The following CNGA3 variants were observed in gnomAD, a reference collection of about 807,000 sequenced individuals.
CNGA3 encodes cyclic nucleotide-gated channel alpha-3.
In CNGA3, 42 loss-of-function variants were observed where a neutral mutation model predicts 46.6. The observed-to-expected ratio is 0.90, with a 90% CI of 0.70 to 1.17. The LOEUF (loss-of-function observed/expected upper bound fraction) is 1.17, where lower values mean the gene tolerates loss of function less well. Among genes scored for constraint, CNGA3 ranks in the 50% most tolerant of loss-of-function variants. The pLI is 0.00. For missense variants in CNGA3, 893 were observed against 890.7 expected (o/e 1.00, Z -0.03); for synonymous variants, 394 against 369.4 (o/e 1.07, Z -0.76).
chr2:98,383,830 CCTCAGG>C (rs1692589392), intron 5 of CNGA3, among the ~76,000 whole-genome samples: 1 of 152,158 alleles, frequency 6.6e-6, no homozygotes, highest in Admixed American at 6.6e-5. Context: ...TATTCTACAA[CCTCAGG>C]CTCTTGAGTG....
chr2:98,388,920 G>A (rs766742418), intron 5 of CNGA3, among the ~76,000 whole-genome samples: 19 of 152,254 alleles, frequency 1.2e-4, no homozygotes, highest in Non-Finnish European at 2.6e-4. Context: ...AGCGTGGGTC[G>A]CATGGGATGG....
intron 7 of CNGA3, among the ~76,000 whole-genome samples, chr2:98,394,895 A>T (rs1253345088): frequency 6.6e-6 from 1 of 151,690 alleles, no homozygotes; most frequent in Non-Finnish European, 1.5e-5. Flanking sequence ...CTTTTCCTCC[A>T]CTCCCTTCTT....
intron 4 of CNGA3, among the ~76,000 whole-genome samples, chr2:98,380,745 A>G (rs1440932419): frequency 6.6e-6 from 1 of 152,214 alleles, no homozygotes; most frequent in Non-Finnish European, 1.5e-5. Context: ...GCTCAAAAGC[A>G]GGGTCTTTTA....
chr2:98,363,862 T>C (rs1391301361), intron 1 of CNGA3, among the ~76,000 whole-genome samples: 1 of 152,220 alleles, frequency 6.6e-6, no homozygotes, highest in East Asian at 1.9e-4. Context: ...ATTTTCTGTC[T>C]CGATGATCTG....
chr2:98,348,156 A>G (rs1691686460), intron 1 of CNGA3, among the ~76,000 whole-genome samples: 1 of 152,188 alleles, frequency 6.6e-6, no homozygotes, highest in African/African-American at 2.4e-5. Context: ...CTTCGCACCA[A>G]TGCCCAAACA....
At chr2:98,375,385 G>A (rs1035489196) in intron 2 of CNGA3, among the ~76,000 whole-genome samples, 5 of 152,212 alleles carry the variant, frequency 3.3e-5, no homozygotes, top group African/African-American at 4.8e-5. Context: ...CACACAGGCT[G>A]TGACAGGGCC....
rs77733216 is a variant in CNGA3, at chr2:98,380,182, C to T, written c.223C>T (p.Arg75Cys). The T allele has an allele frequency of 6.2e-5, 100 of 1,614,150 alleles. 1 individual carries two copies. The Middle Eastern group carries it at 2.0e-3, about 32-fold the overall frequency. The stretch of plus-strand genomic sequence containing the variant: ...GCTTGTGTCACCTTCCAGGCTGTCG[C>T]GCCTCATCTTCTTGCTGCGCAGGTG... ...FTGQGIARLS[R>C]LIFLLRRWAA... is the part of the protein sequence containing the mutation. Residue 75 changes from arginine to cysteine, a missense_variant, in exon 4 of 8, where the codon CGC becomes TGC. Physicochemically the swap from Arg to Cys is radical, Grantham distance 180. Coordinates refer to ENST00000272602, the MANE Select transcript of CNGA3 (RefSeq NM_001298.3).
intron 2 of CNGA3, among the ~76,000 whole-genome samples, chr2:98,372,957 T>C (rs1692321331): frequency 1.3e-5 from 2 of 152,220 alleles, no homozygotes; most frequent in Admixed American, 1.3e-4. Context: ...CAGTATCCCG[T>C]GGAAACACCA....
At chr2:98,349,180 C>T (rs1482555342) in intron 1 of CNGA3, among the ~76,000 whole-genome samples, 1 of 151,998 alleles carries the variant, frequency 6.6e-6, no homozygotes, top group Non-Finnish European at 1.5e-5. Context: ...GTCACTCAGC[C>T]TTCACCTGGC....
At chr2:98,349,723 A>G (rs954199218) in intron 1 of CNGA3, among the ~76,000 whole-genome samples, 15 of 152,222 alleles carry the variant, frequency 9.9e-5, no homozygotes, top group African/African-American at 3.6e-4. Flanking sequence ...TCTATACACT[A>G]GACTAGCACA....
chr2:98,384,643 G>T (rs1692614111), intron 5 of CNGA3, among the ~76,000 whole-genome samples: 1 of 152,180 alleles, frequency 6.6e-6, no homozygotes, highest in South Asian at 2.1e-4. Context: ...ATATGTGTTT[G>T]ACTTAAAGCC....
chr2:98,394,041 C>G (rs1378705598), intron 7 of CNGA3, among the ~76,000 whole-genome samples: 2 of 151,582 alleles, frequency 1.3e-5, no homozygotes, highest in Non-Finnish European at 2.9e-5. Context: ...GCAGCCCTAG[C>G]ATCACCTGGA....
At chr2:98,384,333 G>A (rs1692606963) in intron 5 of CNGA3, among the ~76,000 whole-genome samples, 1 of 152,200 alleles carries the variant, frequency 6.6e-6, no homozygotes, top group South Asian at 2.1e-4. Flanking sequence ...CAGATACTAA[G>A]GTGGCAGATT....
At position 98,396,739 on chromosome 2, in the gene CNGA3, C is replaced by T. The variant is rs61752503; in HGVS notation, c.1569C>T (p.Asn523=). The T allele has an allele frequency of 6.6e-3, 10,717 of 1,614,134 alleles. 40 individuals carry two copies. Among genetic ancestry groups the T allele is most frequent in the Non-Finnish European group, 8.5e-3 (9,978 of 1,180,034 alleles). ...TTGGGAAGGAGATGTACATCATCAACGAGGGCAAGCTGGCCGTGGTGGCTG... is the reference window on the plus strand; with the variant it reads ...TTGGGAAGGAGATGTACATCATCAATGAGGGCAAGCTGGCCGTGGTGGCTG... ...GDIGKEMYII[N]EGKLAVVADD... Residue 523 remains asparagine, a synonymous_variant, in exon 8 of 8, where the codon AAC becomes AAT. Coordinates refer to ENST00000272602, the MANE Select transcript of CNGA3 (RefSeq NM_001298.3).
Position 98,347,879 on chromosome 2 carries a change from T to A in CNGA3, c.-38+1345T>A, listed in dbSNP as rs542748154. On this transcript the variant is annotated intron_variant, in intron 1 of 7. Transcript: ENST00000272602. The stretch of plus-strand genomic sequence containing the variant: ...CCCAACACATACACACTTTCATTCA[T>A]GAAAACCAGCAAGAATAGTGCTGTC... Among the ~76,000 whole-genome samples the A allele has an allele frequency of 8.5e-5, 13 of 152,298 alleles. No homozygotes were observed. In the South Asian group the frequency reaches 2.5e-3, roughly 29 times the overall value.
At chr2:98,366,316 A>C (rs923450353) in intron 1 of CNGA3, among the ~76,000 whole-genome samples, 2 of 152,220 alleles carry the variant, frequency 1.3e-5, no homozygotes, top group African/African-American at 4.8e-5. Flanking sequence ...TGATGCCGGC[A>C]AGAACGTGCC....
At chr2:98,375,174 C>G (rs1480253260) in intron 2 of CNGA3, among the ~76,000 whole-genome samples, 2 of 152,212 alleles carry the variant, frequency 1.3e-5, no homozygotes, top group Non-Finnish European at 2.9e-5. Flanking sequence ...CCTTCCTCAC[C>G]CACTCACCAG....
chr2:98,380,297 A>G lies in CNGA3; in HGVS notation c.338A>G (p.Gln113Arg), dbSNP rs749304299. The part of the protein sequence containing the change: ...RGAELKEVSS[Q>R]ESNAQANVGS... ...GCCGAGCTTAAGGAGGTGTCCAGCC[A>G]AGAAAGCAATGCCCAGGCAAATGTG... Residue 113 changes from glutamine (Q) to arginine (R), a missense_variant, in exon 4 of 8, where the codon CAA (glutamine) becomes CGA (arginine). Transcript: ENST00000272602. 5 of 1,614,114 alleles carry G rather than the reference A, an allele frequency of 3.1e-6. No homozygotes were observed. The African/African-American group carries it at 6.7e-5, about 22-fold the overall frequency.
chr2:98,391,792 G>A (rs572888940), intron 6 of CNGA3, 72 bp from the exon 7 acceptor site: 402 of 1,435,076 alleles, frequency 2.8e-4, no homozygotes, highest in South Asian at 3.4e-4. Flanking sequence ...CACAGAGCCC[G>A]TGCCCACAGG....
Sources: gnomAD v4.1 joint callset for allele counts (sites outside exome capture counted in the v4.1 genomes callset) on GRCh38, gnomAD v4.1.1 for gene constraint, MANE v1.5 for transcripts, NCBI Gene and HGNC (gene_info 2026-07-23, HGNC 2026-07-21) for gene names.